ERBB4: variants seen among roughly 807,000 people sequenced by gnomAD.
ERBB4 encodes the protein erb-b2 receptor tyrosine kinase 4.
Under a neutral mutation model 158.0 loss-of-function variants are expected in ERBB4, and 42 were observed. That is an observed-to-expected ratio of 0.27 (90% CI 0.21 to 0.34). ERBB4 has a LOEUF of 0.34. Among genes scored for constraint, ERBB4 ranks in the 10% least tolerant of loss-of-function variants. The pLI is 1.00. For synonymous variants in ERBB4, 583 were observed against 558.7 expected (o/e 1.04, Z -0.61); for missense variants, 1,333 against 1,624.1 (o/e 0.82, Z 3.08).
intron 1 of ERBB4, among the ~76,000 whole-genome samples, chr2:212,202,063 A>G (rs1301192777): frequency 1.3e-5 from 2 of 152,234 alleles, no homozygotes; most frequent in Non-Finnish European, 2.9e-5. Context: ...TGCTAAATGA[A>G]TACCAATTCG....
chr2:211,527,191 A>C (rs189111141), intron 20 of ERBB4, among the ~76,000 whole-genome samples: 8 of 152,244 alleles, frequency 5.3e-5, no homozygotes, highest in African/African-American at 1.9e-4. Flanking sequence ...ATAATTCTAA[A>C]AGCAAGAGAA....
intron 1 of ERBB4, among the ~76,000 whole-genome samples, chr2:212,204,706 A>C (rs575617607): frequency 2.2e-5 from 3 of 137,768 alleles, no homozygotes; most frequent in Admixed American, 2.1e-4. Context: ...CCCACAAAAA[A>C]AACAAAAAAA....
chr2:211,722,549 A>G lies in ERBB4; in HGVS notation c.742-15T>C. On this transcript the variant is annotated splice_polypyrimidine_tract_variant and intron_variant, in intron 6 of 27. Transcript: ENST00000342788. Reference sequence around the variant, plus strand: ...TTCATGCAGGCCTGCAACACAGCAAATATTACTTTCATTTACAAATAAACT... The same window carrying G: ...TTCATGCAGGCCTGCAACACAGCAAGTATTACTTTCATTTACAAATAAACT... The G allele has an allele frequency of 1.2e-6, 2 of 1,613,440 alleles. No homozygotes were observed. Among genetic ancestry groups the G allele is most frequent in the Non-Finnish European group, 1.7e-6 (2 of 1,179,372 alleles).
At chr2:212,051,973 G>A (rs1164213523) in intron 2 of ERBB4, among the ~76,000 whole-genome samples, 1 of 152,104 alleles carries the variant, frequency 6.6e-6, no homozygotes, top group Non-Finnish European at 1.5e-5. Flanking sequence ...GGTTAATATT[G>A]AGTGTCAACT....
intron 3 of ERBB4, among the ~76,000 whole-genome samples, chr2:211,801,762 T>C (rs1332459685): frequency 1.3e-5 from 2 of 152,226 alleles, no homozygotes; most frequent in Non-Finnish European, 2.9e-5. Flanking sequence ...AACTGGACTT[T>C]ACAGAAGAGA....
intron 1 of ERBB4, among the ~76,000 whole-genome samples, chr2:212,164,330 A>G (rs2081286671): frequency 6.6e-6 from 1 of 152,076 alleles, no homozygotes; most frequent in African/African-American, 2.4e-5. Context: ...ATCGAAAACA[A>G]CATTTTAATA....
intron 20 of ERBB4, among the ~76,000 whole-genome samples, chr2:211,435,698 C>G (rs745871051): frequency 6.6e-6 from 1 of 152,164 alleles, no homozygotes; most frequent in African/African-American, 2.4e-5. Flanking sequence ...TTATGAGAAT[C>G]TAACTAATGC....
At chr2:211,440,102 A>C (rs1400539457) in intron 20 of ERBB4, among the ~76,000 whole-genome samples, 1 of 152,044 alleles carries the variant, frequency 6.6e-6, no homozygotes, top group Non-Finnish European at 1.5e-5. Context: ...TGTGCGAAAA[A>C]CCTCTGCTTT....
At chr2:212,331,274 T>A (rs1483353460) in intron 1 of ERBB4, among the ~76,000 whole-genome samples, 1 of 151,036 alleles carries the variant, frequency 6.6e-6, no homozygotes, top group African/African-American at 2.4e-5. Flanking sequence ...CATTATAATA[T>A]AACTAGTATG....
intron 18 of ERBB4, among the ~76,000 whole-genome samples, chr2:211,622,766 C>A (rs565547025): frequency 6.7e-6 from 1 of 150,296 alleles, no homozygotes; most frequent in African/African-American, 2.4e-5. Context: ...AGTTCGAGAC[C>A]AGCCTGGCCA....
intron 1 of ERBB4, among the ~76,000 whole-genome samples, chr2:212,301,112 A>G (rs2086603074): frequency 8.4e-6 from 1 of 119,680 alleles, no homozygotes; most frequent in Non-Finnish European, 1.9e-5. Context: ...GATGGTTTGC[A>G]TTGATATGCT....
chr2:212,451,997 G>GT (rs2092452343), intron 1 of ERBB4, among the ~76,000 whole-genome samples: 1 of 150,746 alleles, frequency 6.6e-6, no homozygotes, highest in Non-Finnish European at 1.5e-5. Flanking sequence ...TGCATGGCTT[G>GT]TGAGTGTGCA....
chr2:211,834,724 C>T (rs2077302635), intron 3 of ERBB4, among the ~76,000 whole-genome samples: 1 of 152,004 alleles, frequency 6.6e-6, no homozygotes, highest in Non-Finnish European at 1.5e-5. Context: ...GATATCAATA[C>T]AATTTGTTGT....
chr2:212,009,004 A>G (rs1454730235), intron 2 of ERBB4, among the ~76,000 whole-genome samples: 5 of 152,106 alleles, frequency 3.3e-5, no homozygotes, highest in African/African-American at 4.8e-5. Context: ...TAGAGTATCT[A>G]TGAAATGAAA....
intron 1 of ERBB4, among the ~76,000 whole-genome samples, chr2:212,387,244 A>G (rs566839509): frequency 6.6e-6 from 1 of 152,136 alleles, no homozygotes; most frequent in Non-Finnish European, 1.5e-5. Flanking sequence ...CGAACTATAA[A>G]TAAACCCTTA....
chr2:211,956,029 A>AGT (rs3070122), intron 2 of ERBB4, among the ~76,000 whole-genome samples: 36,202 of 146,226 alleles, frequency 0.25, 5,134 homozygotes, highest in Non-Finnish European at 0.34. Context: ...TCATCTCTAA[A>AGT]GTGTGTGTGT....
chr2:211,396,107 G>A (rs1013874332), intron 25 of ERBB4, among the ~76,000 whole-genome samples: 1 of 151,838 alleles, frequency 6.6e-6, no homozygotes, highest in Non-Finnish European at 1.5e-5. Flanking sequence ...AGTTCCTTTT[G>A]TACTATCAGC....
intron 2 of ERBB4, among the ~76,000 whole-genome samples, chr2:212,068,813 T>A (rs2078021007): frequency 6.6e-6 from 1 of 152,090 alleles, no homozygotes; most frequent in Non-Finnish European, 1.5e-5. Context: ...CCAACTGAGG[T>A]ATTTAAGCTA....
intron 1 of ERBB4, among the ~76,000 whole-genome samples, chr2:212,313,939 A>C (rs901363389): frequency 1.1e-4 from 16 of 151,030 alleles, no homozygotes; most frequent in African/African-American, 3.9e-4. Context: ...TTCATTTGTG[A>C]TTATCTCCCC....
Sources: allele counts gnomAD v4.1 joint callset (sites outside exome capture counted in the v4.1 genomes callset), GRCh38; gene constraint gnomAD v4.1.1; transcripts MANE v1.5; gene names NCBI Gene and HGNC (gene_info 2026-07-23, HGNC 2026-07-21).